CD84: variants seen among roughly 807,000 people sequenced by gnomAD.
The protein encoded by CD84 is CD84 molecule.
A neutral mutation model predicts 33.8 loss-of-function variants in CD84; 22 were observed. That is an observed-to-expected ratio of 0.65 (90% CI 0.46 to 0.93). The LOEUF is 0.93. CD84 is among the 40% of genes least tolerant of loss of function. The pLI is 0.00. For synonymous variants in CD84, 154 were observed against 145.2 expected (o/e 1.06, Z -0.44); for missense variants, 400 against 397.6 (o/e 1.01, Z -0.05).
Position 160,543,602 on chromosome 1 carries a change from T to TTTATTTTTATTATTATTA in CD84, c.*4653_*4654insTAATAATAATAAAAATAA, listed in dbSNP as rs1553230405. Reference sequence around the variant, plus strand: ...ATCTTCAAGGAGCTCTCCATTATTATTTATTATTATTATTATTATTATTAT... The same window carrying TTTATTTTTATTATTATTA: ...ATCTTCAAGGAGCTCTCCATTATTATTTATTTTTATTATTATTATTATTATTATTATTATTATTATTAT... On this transcript the variant is annotated 3_prime_UTR_variant, in exon 7 of 7. Coordinates refer to ENST00000368054, the MANE Select transcript of CD84 (RefSeq NM_003874.4). 1 of 142,702 alleles carries TTTATTTTTATTATTATTA rather than the reference T, an allele frequency of 7.0e-6. No homozygotes were observed. The highest frequency in any genetic ancestry group is 2.2e-4 in the South Asian group (1 of 4,484). The allele number at this position is 142,702 out of a possible 1,614,324, so 8.8% of individuals were successfully genotyped here.
intron 2 of CD84, among the ~76,000 whole-genome samples, chr1:160,557,960 TACAG>T (rs1467909927): frequency 6.6e-6 from 1 of 152,208 alleles, no homozygotes; most frequent in African/African-American, 2.4e-5. Context: ...GCCAGGGTTA[TACAG>T]ACAGAGTTTT....
rs1188754898 is a variant in CD84, at chr1:160,565,715, A to G, written c.77T>C (p.Ile26Thr). ...WPEAAGKDSE[I>T]FTVNGILGES... ...TCCCAGAATCCCATTCACTGTGAAG[A>G]TTTCTGAGTCTTTTCCAGCTGCTTC... The change falls in exon 2 of 7, where the codon ATC becomes ACC. Residue 26 changes from isoleucine to threonine, a missense_variant. By Grantham distance (89) the Ile-to-Thr change is moderately conservative. Coordinates refer to ENST00000368054, the MANE Select transcript of CD84 (RefSeq NM_003874.4). The G allele has an allele frequency of 1.2e-6, 2 of 1,611,444 alleles. No homozygotes were observed. The highest frequency in any genetic ancestry group is 3.4e-5 in the Admixed American group (2 of 59,598).
rs1343564679 is a variant in CD84, at chr1:160,554,164, T to A, written c.389-18A>T. The stretch of plus-strand genomic sequence containing the variant: ...AAGCCGACCTGTGGGGGCAAACACA[T>A]GAGCCAATAGTGAGCTGGAGCTGGC... On this transcript the variant is annotated intron_variant, in intron 2 of 6. Transcript: ENST00000368054. 2 of 1,600,602 alleles carry A rather than the reference T, an allele frequency of 1.2e-6. No individual in the cohort carries two copies. Among genetic ancestry groups the A allele is most frequent in the African/African-American group, 2.7e-5 (2 of 74,786 alleles).
chr1:160,560,608 C>T (rs966662888), intron 2 of CD84, among the ~76,000 whole-genome samples: 1 of 151,890 alleles, frequency 6.6e-6, no homozygotes, highest in Non-Finnish European at 1.5e-5. Context: ...AACAAACAAA[C>T]CCCAAAGCTA....
At chr1:160,574,118 A>C (rs1657858223) in intron 1 of CD84, among the ~76,000 whole-genome samples, 2 of 91,322 alleles carry the variant, frequency 2.2e-5, no homozygotes, top group African/African-American at 6.6e-5. Context: ...AACAAACAAA[A>C]AAAAACAAAG....
Position 160,546,120 on chromosome 1 carries a change from C to G in CD84, c.*2136G>C, listed in dbSNP as rs1343613662. 6.6e-6 allele frequency: 1 copy of G among 152,290 alleles called. No homozygotes were observed. Among genetic ancestry groups the G allele is most frequent in the African/African-American group, 2.4e-5 (1 of 41,406 alleles). The allele number at this position is 152,290 out of a possible 1,614,324, so 9.4% of individuals were successfully genotyped here. On this transcript the variant is annotated 3_prime_UTR_variant, in exon 7 of 7. Transcript: ENST00000368054. ...TCTCCTGTCTCAGCCTCCAGAGTAG[C>G]TGGGACTACAGATGTGTGCCACCAC...
Position 160,553,877 on chromosome 1 carries a change from A to T in CD84, c.640+18T>A. 1 of 1,614,146 alleles carries T rather than the reference A, an allele frequency of 6.2e-7. No individual in the cohort carries two copies. Among genetic ancestry groups the T allele is most frequent in the South Asian group, 1.1e-5 (1 of 91,060 alleles). ...TGATCTCTGAGACTCACCAGGAGAGATGGGCAGAGCTGGTTACCTGCACAG... is the reference window on the plus strand; with the variant it reads ...TGATCTCTGAGACTCACCAGGAGAGTTGGGCAGAGCTGGTTACCTGCACAG... On this transcript the variant is annotated intron_variant, in intron 3 of 6. Coordinates refer to ENST00000368054, the MANE Select transcript of CD84 (RefSeq NM_003874.4).
intron 6 of CD84, 70 bp downstream of exon 6, chr1:160,549,847 G>T: frequency 8.6e-7 from 1 of 1,163,150 alleles, no homozygotes; most frequent in Non-Finnish European, 1.3e-6. Context: ...CCCCTGGTTG[G>T]ATGGACCGGG....
At chr1:160,560,357 C>T (rs1382990820) in intron 2 of CD84, among the ~76,000 whole-genome samples, 1 of 152,158 alleles carries the variant, frequency 6.6e-6, no homozygotes, top group Non-Finnish European at 1.5e-5. Context: ...CATAACCACA[C>T]AATTACATGG....
intron 2 of CD84, among the ~76,000 whole-genome samples, chr1:160,561,715 G>C (rs1656981282): frequency 6.6e-6 from 1 of 152,190 alleles, no homozygotes; most frequent in Non-Finnish European, 1.5e-5. Context: ...GAGAGAGGAA[G>C]TCAAACTGTC....
chr1:160,575,393 G>C (rs1044832876), intron 1 of CD84, among the ~76,000 whole-genome samples: 1 of 151,928 alleles, frequency 6.6e-6, no homozygotes, highest in Non-Finnish European at 1.5e-5. Context: ...TAAGAAAAAG[G>C]AACCTACTAC....
chr1:160,549,037 C>A (rs1656007087), intron 6 of CD84, among the ~76,000 whole-genome samples: 1 of 151,940 alleles, frequency 6.6e-6, no homozygotes, highest in Non-Finnish European at 1.5e-5. Flanking sequence ...CCTTCTTTTT[C>A]TTTCCCTCCT....
At chr1:160,569,536 ACACACG>A (rs769902237) in intron 1 of CD84, among the ~76,000 whole-genome samples, 9,316 of 93,698 alleles carry the variant, frequency 0.099, 562 homozygotes, top group African/African-American at 0.21. Context: ...ACACACACAC[ACACACG>A]CACGCACGCA....
Position 160,548,108 on chromosome 1 carries a change from CAGA to C in CD84, c.*145_*147del, listed in dbSNP as rs1442706220. On this transcript the variant is annotated 3_prime_UTR_variant, in exon 7 of 7. Transcript: ENST00000368054. The stretch of plus-strand genomic sequence containing the variant: ...CCATTTAGGCACAAGCTATGCCCAG[CAGA>C]AGGTTTCCTGCTTTGCTTACAGGCT... The C allele has an allele frequency of 5.2e-6, 4 of 763,340 alleles. No homozygotes were observed. The highest frequency in any genetic ancestry group is 8.9e-6 in the Non-Finnish European group (4 of 451,040). 47.3% of individuals were successfully genotyped at this position (763,340 alleles called of 1,614,324 possible). A position where few individuals can be genotyped will look rare whatever the true frequency, so the allele number is the denominator to read the frequency against.
chr1:160,577,917 C>T (rs1035772593), intron 1 of CD84, among the ~76,000 whole-genome samples: 1 of 152,152 alleles, frequency 6.6e-6, no homozygotes, highest in African/African-American at 2.4e-5. Flanking sequence ...ATTTCAGTTT[C>T]AGTAGATGAA....
Position 160,554,097 on chromosome 1 carries a change from G to C in CD84, c.438C>G (p.Asn146Lys). The change falls in exon 3 of 7, where the codon AAC (asparagine) becomes AAG (lysine). Residue 146 changes from asparagine to lysine, a missense_variant. By Grantham distance (94) the Asn-to-Lys change is moderately conservative. Coordinates refer to ENST00000368054, the MANE Select transcript of CD84 (RefSeq NM_003874.4). ...KITQSLMASV[N>K]STCNVTLTCS... The stretch of plus-strand genomic sequence containing the variant: ...ATGTCAGTGTGACATTACAGGTGCT[G>C]TTCACAGATGCCATTAAACTCTGTG... 6.2e-7 allele frequency: 1 copy of C among 1,614,146 alleles called. No homozygotes were observed. The highest frequency in any genetic ancestry group is 2.2e-5 in the East Asian group (1 of 44,884).
chr1:160,559,287 T>C (rs1011409195), intron 2 of CD84, among the ~76,000 whole-genome samples: 1 of 152,124 alleles, frequency 6.6e-6, no homozygotes, highest in African/African-American at 2.4e-5. Context: ...TACCTCTCAG[T>C]AGAAACTCTA....
intron 1 of CD84, among the ~76,000 whole-genome samples, chr1:160,567,701 T>C (rs775621017): frequency 5.9e-5 from 9 of 152,078 alleles, no homozygotes; most frequent in African/African-American, 1.2e-4. Flanking sequence ...AAATAAGCCA[T>C]TGGGGTAGCG....
At position 160,565,405 on chromosome 1, in the gene CD84, A is replaced by G. The variant is rs751280281; in HGVS notation, c.387T>C (p.Tyr129=). The G allele has an allele frequency of 1.3e-6, 2 of 1,589,732 alleles. No homozygotes were observed. The highest frequency in any genetic ancestry group is 1.1e-5 in the South Asian group (1 of 87,626). ...TTTKRYNLQI[Y]RRLGKPKITQ... Reference sequence around the variant, plus strand: ...GCTCTCCGTCTTCCCATGACTTACGATAGATTTGCAGGTTGTAGCGCTTGG... The same window carrying G: ...GCTCTCCGTCTTCCCATGACTTACGGTAGATTTGCAGGTTGTAGCGCTTGG... The change falls in exon 2 of 7, where the codon TAT becomes TAC. Residue 129 remains tyrosine, a splice_region_variant and synonymous_variant. Coordinates refer to ENST00000368054, the MANE Select transcript of CD84 (RefSeq NM_003874.4).
Sources: allele counts gnomAD v4.1 joint callset (sites outside exome capture counted in the v4.1 genomes callset), GRCh38; gene constraint gnomAD v4.1.1; transcripts MANE v1.5; gene names NCBI Gene and HGNC (gene_info 2026-07-23, HGNC 2026-07-21).